Variants in CHPT1 observed in about 807,000 individuals in gnomAD.
The protein encoded by CHPT1 is cholinephosphotransferase 1.
CHPT1 carries 36 observed loss-of-function variants against 47.6 expected under a neutral mutation model. The observed-to-expected ratio is 0.76, with a 90% confidence interval of 0.58 to 1.00. CHPT1 has a LOEUF of 1.00. Ranked by LOEUF, CHPT1 falls within the 50% of genes least tolerant of loss-of-function variation. The pLI, the probability that CHPT1 is intolerant of heterozygous loss-of-function variation, is 0.00. For synonymous variants in CHPT1, 194 were observed against 186.3 expected, an observed-to-expected ratio of 1.04 and a Z score of -0.33; for missense variants, 458 against 498.1, an observed-to-expected ratio of 0.92 and a Z score of 0.77.
chr12:101,709,106 T>A (rs530910620), intron 1 of CHPT1, among the ~76,000 whole-genome samples: 1 of 147,808 alleles, frequency 6.8e-6, no homozygotes, highest in Non-Finnish European at 1.5e-5. Flanking sequence ...CCATGAAGAG[T>A]CTCTTCTGGC....
At chr12:101,724,546 A>C (rs1566044016) in intron 7 of CHPT1, among the ~76,000 whole-genome samples, 1 of 152,206 alleles carries the variant, frequency 6.6e-6, no homozygotes, top group Non-Finnish European at 1.5e-5. Flanking sequence ...TGCATCGAGA[A>C]TTGTCAGCTA....
chr12:101,717,421 C>T (rs1166669584), intron 4 of CHPT1: 1 of 383,746 alleles, frequency 2.6e-6, no homozygotes, highest in South Asian at 2.0e-5. Flanking sequence ...GGCTAACTGA[C>T]TCACACTTTC....
chr12:101,704,141 G>T (rs898618052), intron 1 of CHPT1, among the ~76,000 whole-genome samples: 11 of 152,016 alleles, frequency 7.2e-5, no homozygotes, highest in African/African-American at 2.7e-4. Flanking sequence ...CTTCTGCATA[G>T]ATGTCAATTC....
At position 101,714,632 on chromosome 12, in the gene CHPT1, T is replaced by C. The variant is rs531839493; in HGVS notation, c.550T>C (p.Leu184=). ...TTGGCAGACTTATGTTTCAGGCATG[T>C]TGAGATTTGGAAAGTAAGTATGCTT... The part of the protein sequence containing the change: ...AHWQTYVSGM[L]RFGKVDVTEI... The change falls in exon 3 of 9, where the codon TTG becomes CTG. Residue 184 remains leucine, a synonymous_variant. Coordinates refer to ENST00000229266, the MANE Select transcript of CHPT1 (RefSeq NM_020244.3). 6 of 1,602,432 alleles carry C rather than the reference T, an allele frequency of 3.7e-6. No homozygotes were observed. The South Asian group carries it at 4.5e-5, about 12-fold the overall frequency.
intron 3 of CHPT1, among the ~76,000 whole-genome samples, chr12:101,715,434 G>T (rs1951750665): frequency 6.6e-6 from 1 of 152,142 alleles, no homozygotes; most frequent in South Asian, 2.1e-4. Flanking sequence ...TTAGCAGAGG[G>T]CAGGCTTCAG....
chr12:101,714,439 C>G (rs980744101), intron 2 of CHPT1, 65 bp from the exon 3 acceptor site: 5 of 1,384,220 alleles, frequency 3.6e-6, no homozygotes, highest in Non-Finnish European at 4.9e-6. Context: ...TTCTAAACAG[C>G]ATAGGGCAAT....
intron 3 of CHPT1, among the ~76,000 whole-genome samples, chr12:101,715,831 A>C (rs1594135323): frequency 6.6e-6 from 1 of 152,186 alleles, no homozygotes; most frequent in Non-Finnish European, 1.5e-5. Flanking sequence ...CCAGCAAGGT[A>C]GGAAAATCAG....
chr12:101,727,892 G>C (rs1952002223), intron 8 of CHPT1: 1 of 151,932 alleles, frequency 6.6e-6, no homozygotes, highest in Non-Finnish European at 1.5e-5. Flanking sequence ...TTTAAAACTT[G>C]GAAAACCTTA....
intron 3 of CHPT1, 150 bp downstream of exon 3, chr12:101,714,795 G>C: frequency 1.6e-6 from 1 of 608,254 alleles, no homozygotes. Context: ...TACACCTTAA[G>C]TCTTTTAGGT....
At chr12:101,700,349 G>A (rs1273925715) in intron 1 of CHPT1, among the ~76,000 whole-genome samples, 1 of 150,972 alleles carries the variant, frequency 6.6e-6, no homozygotes, top group Non-Finnish European at 1.5e-5. Context: ...AGGGTGGAGG[G>A]TGGGGATTGG....
chr12:101,712,630 T>C (rs1951713674), intron 1 of CHPT1, among the ~76,000 whole-genome samples: 1 of 148,686 alleles, frequency 6.7e-6, no homozygotes, highest in African/African-American at 2.4e-5. Context: ...TAGTTTCCAT[T>C]GGTACATGCT....
intron 1 of CHPT1, among the ~76,000 whole-genome samples, chr12:101,709,242 A>T (rs1951672996): frequency 6.8e-6 from 1 of 147,402 alleles, no homozygotes; most frequent in African/African-American, 2.4e-5. Context: ...CAAAAAATTT[A>T]AAAAATTAAC....
chr12:101,699,476 C>G (rs1273646351), intron 1 of CHPT1, among the ~76,000 whole-genome samples: 1 of 150,452 alleles, frequency 6.6e-6, no homozygotes, highest in African/African-American at 2.4e-5. Flanking sequence ...CAACCTCTGC[C>G]TCCTGGGTTC....
chr12:101,721,302 T>C (rs1248643023), intron 5 of CHPT1, among the ~76,000 whole-genome samples: 2 of 151,998 alleles, frequency 1.3e-5, no homozygotes, highest in African/African-American at 4.8e-5. Flanking sequence ...AAAAAAAGAA[T>C]GCCTTTTTAG....
intron 7 of CHPT1, among the ~76,000 whole-genome samples, chr12:101,725,865 A>G (rs567480545): frequency 2.0e-5 from 3 of 152,162 alleles, no homozygotes; most frequent in Non-Finnish European, 2.9e-5. Context: ...TGCTTCAAGT[A>G]TGGTATCTTT....
At chr12:101,714,726 AAGG>A (rs1285628879) in intron 3 of CHPT1, 81 bp downstream of exon 3, 1 of 1,370,374 alleles carries the variant, frequency 7.3e-7, no homozygotes, top group Non-Finnish European at 9.7e-7. Flanking sequence ...CATCGATAAT[AAGG>A]AGAACAAATC....
At chr12:101,717,051 C>T (rs1951773809) in intron 4 of CHPT1, among the ~76,000 whole-genome samples, 1 of 151,752 alleles carries the variant, frequency 6.6e-6, no homozygotes, top group Non-Finnish European at 1.5e-5. Flanking sequence ...TAGAAGAAGA[C>T]AACCTCATTT....
At position 101,714,706 on chromosome 12, in the gene CHPT1, TTA is replaced by T. The variant is rs561008086; in HGVS notation, c.563+63_563+64del. On this transcript the variant is annotated intron_variant, in intron 3 of 8. Transcript: ENST00000229266. ...TAATTGAATTCATTTGCACAATCTG[TTA>T]TGTCATTCATCGATAATAAGGAGAA... The T allele has an allele frequency of 6.8e-5, 102 of 1,493,780 alleles. 3 individuals are homozygous for T. The South Asian group carries it at 1.3e-3, about 19-fold the overall frequency. The allele number at this position is 1,493,780 out of a possible 1,614,324, so 92.5% of individuals were successfully genotyped here.
intron 1 of CHPT1, among the ~76,000 whole-genome samples, chr12:101,704,329 A>G (rs1050730881): frequency 4.0e-5 from 6 of 151,636 alleles, no homozygotes; most frequent in Non-Finnish European, 8.8e-5. Flanking sequence ...TCAACTTTAA[A>G]TCAACTCTTT....
Sources: allele counts gnomAD v4.1 joint callset (sites outside exome capture counted in the v4.1 genomes callset), GRCh38; gene constraint gnomAD v4.1.1; transcripts MANE v1.5; gene names NCBI Gene and HGNC (gene_info 2026-07-23, HGNC 2026-07-21).